Variants in WASHC5 observed in about 807,000 individuals in gnomAD.
The protein encoded by WASHC5 is WASH complex subunit strumpellin.
Under a neutral mutation model 150.4 loss-of-function variants are expected in WASHC5, and 101 were observed. The ratio of observed to expected loss-of-function variants is 0.67; its 90% CI spans 0.57 to 0.79. WASHC5 has a LOEUF of 0.79. WASHC5 is among the 30% of genes least tolerant of loss of function. The probability of loss-of-function intolerance (pLI) is 0.00; values close to 1 mark genes in which losing one functional copy is unlikely to be tolerated. For synonymous variants in WASHC5, 467 were observed against 491.2 expected, an observed-to-expected ratio of 0.95 and a Z score of 0.65; for missense variants, 1,195 against 1,396.3, an observed-to-expected ratio of 0.86 and a Z score of 2.30.
intron 25 of WASHC5, 33 bp from the exon 26 acceptor site, chr8:125,037,366 T>A: frequency 8.3e-7 from 1 of 1,212,088 alleles, no homozygotes; most frequent in Non-Finnish European, 1.2e-6. Context: ...AATAGATGGT[T>A]AAATCACATT....
chr8:125,044,584 T>C lies in WASHC5; in HGVS notation c.2619A>G (p.Leu873=). 10 of 1,614,188 alleles carry C rather than the reference T, an allele frequency of 6.2e-6. No individual in the cohort carries two copies. Among genetic ancestry groups the C allele is most frequent in the Non-Finnish European group, 8.5e-6 (10 of 1,179,992 alleles). ...EIQTTLGTFG[L]NGLDRLLCFM... is the part of the protein sequence containing the mutation. ...AGCACAGAAGCCTGTCTAAGCCATTTAGACCAAAGGTTCCCAAGGTGGTCT... is the reference window on the plus strand; with the variant it reads ...AGCACAGAAGCCTGTCTAAGCCATTCAGACCAAAGGTTCCCAAGGTGGTCT... The change falls in exon 21 of 29, where the codon CTA becomes CTG. Residue 873 remains leucine (L), a synonymous_variant. Coordinates refer to ENST00000318410, the MANE Select transcript of WASHC5 (RefSeq NM_014846.4).
intron 7 of WASHC5, among the ~76,000 whole-genome samples, chr8:125,075,915 A>G (rs1817046591): frequency 1.3e-5 from 2 of 152,362 alleles, no homozygotes; most frequent in Admixed American, 1.3e-4. Context: ...TTGCAATAAT[A>G]TAAACTTTAG....
rs1354338815 is a variant in WASHC5 at position 125,044,002 on chromosome 8, T to C, written c.2760A>G (p.Lys920=). The change falls in exon 22 of 29, where the codon AAA becomes AAG. Residue 920 remains lysine (K), a synonymous_variant. Coordinates refer to ENST00000318410, the MANE Select transcript of WASHC5 (RefSeq NM_014846.4). ...KTLMNAVSPL[K]SIVANSNKIY... is the part of the protein sequence containing the mutation. ...TTTCAGGACACTCACCGACAATACT[T>C]TTTAGGGGACTGACAGCATTCATGA... 1 of 1,612,686 alleles carries C rather than the reference T, an allele frequency of 6.2e-7. No individual in the cohort carries two copies. The highest frequency in any genetic ancestry group is 8.5e-7 in the Non-Finnish European group (1 of 1,178,674).
intron 23 of WASHC5, among the ~76,000 whole-genome samples, chr8:125,042,346 T>C (rs1281617026): frequency 6.6e-6 from 1 of 152,198 alleles, no homozygotes; most frequent in Non-Finnish European, 1.5e-5. Context: ...CCACATTTCA[T>C]GAGCTCAATA....
In WASHC5 at chr8:125,026,425, T is replaced by A. The variant is rs565658795; in HGVS notation, c.3424-1752A>T. The stretch of plus-strand genomic sequence containing the variant: ...GACACAGAATTAATTACATTCAGCA[T>A]TTATAAAAAATCAAGTCTCTAAATC... On this transcript the variant is annotated intron_variant, in intron 28 of 28. Coordinates refer to ENST00000318410, the MANE Select transcript of WASHC5 (RefSeq NM_014846.4). Among the ~76,000 whole-genome samples, 9 of 152,280 alleles carry A rather than the reference T, an allele frequency of 5.9e-5. No homozygotes were observed. The East Asian group carries it at 1.7e-3, about 29-fold the overall frequency.
At chr8:125,065,418 C>G (rs1340940969) in intron 10 of WASHC5, among the ~76,000 whole-genome samples, 2 of 151,888 alleles carry the variant, frequency 1.3e-5, no homozygotes, top group East Asian at 3.9e-4. Context: ...CCTGGATAGA[C>G]AGAAGGAAGC....
intron 14 of WASHC5, among the ~76,000 whole-genome samples, chr8:125,058,528 T>C (rs1161237594): frequency 6.6e-6 from 1 of 151,986 alleles, no homozygotes; most frequent in Non-Finnish European, 1.5e-5. Context: ...AGGAGGAACA[T>C]TTGAGGTTAG....
intron 26 of WASHC5, among the ~76,000 whole-genome samples, chr8:125,037,000 CA>C (rs1815728779): frequency 1.3e-5 from 2 of 152,032 alleles, no homozygotes; most frequent in Admixed American, 1.3e-4. Flanking sequence ...GCAATAAGAA[CA>C]AAACTCCATC....
At chr8:125,056,641 T>A in intron 16 of WASHC5, 36 bp downstream of exon 16, 1 of 1,613,444 alleles carries the variant, frequency 6.2e-7, no homozygotes, top group Non-Finnish European at 8.5e-7. Context: ...TGTTAGTTTT[T>A]AATATGAAAA....
chr8:125,049,216 C>T, intron 18 of WASHC5, 31 bp from the exon 19 acceptor site: 2 of 1,609,382 alleles, frequency 1.2e-6, no homozygotes, highest in Non-Finnish European at 1.7e-6. Flanking sequence ...AAAGCTCTTA[C>T]ACTGGAGTAG....
rs573689796 is a variant in WASHC5, at chr8:125,078,841, C to T, written c.608G>A (p.Arg203Lys). 12 of 1,613,828 alleles carry T rather than the reference C, an allele frequency of 7.4e-6. No individual in the cohort carries two copies. The highest frequency in any genetic ancestry group is 8.5e-6 in the Non-Finnish European group (10 of 1,179,926). Reference sequence around the variant, plus strand: ...ATAGCTCTCGGGATAGTTGGATGGTCTTTTGGCACCTGGTTGGCTAGAATA... The same window carrying T: ...ATAGCTCTCGGGATAGTTGGATGGTTTTTTGGCACCTGGTTGGCTAGAATA... Reference protein sequence around the residue: ...TGYSSQPGAKRPSNYPESYFQ... With the variant: ...TGYSSQPGAKKPSNYPESYFQ... The change falls in exon 6 of 29, where the codon AGA becomes AAA. Residue 203 changes from arginine to lysine, a missense_variant. Arg to Lys is a conservative substitution (Grantham distance 26). Around this residue, in one of 3 missense-constraint regions of WASHC5, gnomAD observed 997 missense variants for 1,168.1 expected, o/e 0.85. Coordinates refer to ENST00000318410, the MANE Select transcript of WASHC5 (RefSeq NM_014846.4).
chr8:125,083,071 C>T (rs1817318444), intron 3 of WASHC5, 42 bp downstream of exon 3: 1 of 1,296,774 alleles, frequency 7.7e-7, no homozygotes, highest in Non-Finnish European at 1.1e-6. Context: ...TCCCTCTCCA[C>T]TATTTACTAC....
At chr8:125,056,587 C>T in intron 16 of WASHC5, 90 bp downstream of exon 16, 4 of 1,484,632 alleles carry the variant, frequency 2.7e-6, no homozygotes, top group East Asian at 2.3e-5. Context: ...GTCTGGTGGT[C>T]CCCAGAATAT....
chr8:125,067,181 A>G (rs1394950110), intron 10 of WASHC5, among the ~76,000 whole-genome samples: 1 of 151,926 alleles, frequency 6.6e-6, no homozygotes, highest in Non-Finnish European at 1.5e-5. Flanking sequence ...TGCCCAGCTA[A>G]TTTTTGTATT....
At chr8:125,090,866 AG>A (rs1369165243) in intron 1 of WASHC5, among the ~76,000 whole-genome samples, 1 of 152,208 alleles carries the variant, frequency 6.6e-6, no homozygotes, top group African/African-American at 2.4e-5. Flanking sequence ...GATAAATGCA[AG>A]CTGCATATAT....
intron 1 of WASHC5, among the ~76,000 whole-genome samples, chr8:125,090,476 T>A (rs1381409182): frequency 6.6e-6 from 1 of 152,202 alleles, no homozygotes; most frequent in Non-Finnish European, 1.5e-5. Flanking sequence ...CACTTGAAGA[T>A]CAGTTTTCTC....
intron 6 of WASHC5, 104 bp from the exon 7 acceptor site, chr8:125,076,604 G>T: frequency 7.4e-7 from 1 of 1,352,838 alleles, no homozygotes; most frequent in Non-Finnish European, 1.0e-6. Context: ...TTTTTCCAAA[G>T]CCCATCACCT....
rs573266510 is a variant in WASHC5, at chr8:125,087,243, T to C, written c.-124-3221A>G. On this transcript the variant is annotated intron_variant, in intron 1 of 28. Transcript: ENST00000318410. The stretch of plus-strand genomic sequence containing the variant: ...TTGCTTTTGTATAATAATGTCCATG[T>C]AGCTATTTCTGTATTGTACTACTGC... Among the ~76,000 whole-genome samples, 62 of 152,338 alleles carry C rather than the reference T, an allele frequency of 4.1e-4. 1 individual carries two copies. The highest frequency in any genetic ancestry group is 3.4e-3 in the Middle Eastern group (1 of 294).
chr8:125,056,731 G>C lies in WASHC5; in HGVS notation c.1962C>G (p.Thr654=). Residue 654 remains threonine (T), a synonymous_variant, in exon 16 of 29, where the codon ACC becomes ACG. Transcript: ENST00000318410. The part of the protein sequence containing the change: ...LQTHDIIEVP[T]RLDKDKLRDY... ...CCCTCAGCTTGTCTTTGTCCAGGCGGGTAGGCACTTCAATAATGTCGTGGG... is the reference window on the plus strand; with the variant it reads ...CCCTCAGCTTGTCTTTGTCCAGGCGCGTAGGCACTTCAATAATGTCGTGGG... The C allele has an allele frequency of 6.2e-7, 1 of 1,614,106 alleles. No homozygotes were observed. The highest frequency in any genetic ancestry group is 1.3e-5 in the African/African-American group (1 of 75,014).
Sources: gnomAD v4.1 joint callset for allele counts (sites outside exome capture counted in the v4.1 genomes callset) on GRCh38, gnomAD v4.1.1 for gene constraint, gnomAD v4.1.1 regional missense constraint, MANE v1.5 for transcripts, NCBI Gene and HGNC (gene_info 2026-07-23, HGNC 2026-07-21) for gene names.